PLEKHA7: variants seen among roughly 807,000 people sequenced by gnomAD.
PLEKHA7 encodes pleckstrin homology domain containing A7, also known as pleckstrin homology domain-containing family A member 7.
A neutral mutation model predicts 170.0 loss-of-function variants in PLEKHA7; 104 were observed. The ratio of observed to expected loss-of-function variants is 0.61; its 90% CI spans 0.52 to 0.72. The LOEUF (loss-of-function observed/expected upper bound fraction) is 0.72. PLEKHA7 is among the 30% of genes least tolerant of loss of function. The pLI is 0.00. For missense variants in PLEKHA7, 1,615 were observed against 1,671.7 expected, an observed-to-expected ratio of 0.97 and a Z score of 0.59; for synonymous variants, 648 against 660.8, an observed-to-expected ratio of 0.98 and a Z score of 0.30.
chr11:16,974,296 C>CT (rs56340937), intron 3 of PLEKHA7, among the ~76,000 whole-genome samples: 73 of 134,746 alleles, frequency 5.4e-4, no homozygotes, highest in Non-Finnish European at 6.5e-4. Flanking sequence ...TCAGAGAATT[C>CT]TTTTTTTTTT....
intron 3 of PLEKHA7, among the ~76,000 whole-genome samples, chr11:16,946,309 C>A (rs1861027448): frequency 6.6e-6 from 1 of 152,200 alleles, no homozygotes; most frequent in Admixed American, 6.5e-5. Flanking sequence ...CACTGGATAA[C>A]CTGCCCTAAA....
At chr11:16,927,284 T>C (rs1417147448) in intron 3 of PLEKHA7, among the ~76,000 whole-genome samples, 2 of 152,258 alleles carry the variant, frequency 1.3e-5, no homozygotes, top group Admixed American at 1.3e-4. Context: ...GCCATTCCCA[T>C]TCTTCTATGG....
chr11:16,875,708 T>A (rs888848801), intron 3 of PLEKHA7, among the ~76,000 whole-genome samples: 1 of 152,052 alleles, frequency 6.6e-6, no homozygotes, highest in Non-Finnish European at 1.5e-5. Context: ...GCCCCCAAAG[T>A]GCTAAGATTA....
At chr11:16,862,938 G>C (rs1459682744) in intron 4 of PLEKHA7, among the ~76,000 whole-genome samples, 1 of 136,898 alleles carries the variant, frequency 7.3e-6, no homozygotes, top group Non-Finnish European at 1.6e-5. Context: ...CTAGAGACAA[G>C]GTGCTGGCTA....
At chr11:16,844,318 T>C (rs1590310409) in intron 8 of PLEKHA7, among the ~76,000 whole-genome samples, 1 of 152,236 alleles carries the variant, frequency 6.6e-6, no homozygotes, top group East Asian at 1.9e-4. Flanking sequence ...ATTGCAAATA[T>C]AACCCTGGTC....
At chr11:16,847,078 GT>G (rs1221318542) in intron 8 of PLEKHA7, among the ~76,000 whole-genome samples, 91 of 129,538 alleles carry the variant, frequency 7.0e-4, no homozygotes, top group South Asian at 1.8e-3. Context: ...TGTGGCTGAA[GT>G]TTTTTTTTTT....
intron 13 of PLEKHA7, among the ~76,000 whole-genome samples, chr11:16,811,522 C>T (rs932487487): frequency 6.6e-6 from 1 of 152,120 alleles, no homozygotes; most frequent in East Asian, 1.9e-4. Flanking sequence ...TCTCCATAGG[C>T]ATGGTGGGAA....
intron 3 of PLEKHA7, among the ~76,000 whole-genome samples, chr11:16,945,609 G>A (rs1163399418): frequency 1.3e-5 from 2 of 152,210 alleles, no homozygotes; most frequent in East Asian, 1.9e-4. Flanking sequence ...TTATCAGCCA[G>A]GCAAATAGAA....
chr11:16,786,748 G>T, intron 23 of PLEKHA7: 2 of 985,400 alleles, frequency 2.0e-6, no homozygotes. Flanking sequence ...ACTCTCTACA[G>T]CTGGTTCAGG....
chr11:16,998,843 A>G (rs199561072), intron 3 of PLEKHA7, among the ~76,000 whole-genome samples: 130 of 55,096 alleles, frequency 2.4e-3, no homozygotes, highest in African/African-American at 0.01. Flanking sequence ...AAATGTGTTG[A>G]AAAAAAAAAA....
rs572577210 is a variant in PLEKHA7 at position 16,844,887 on chromosome 11, G to T, written c.697-3165C>A. ...ATTCTGGAACTTGCTCAACAATAAT[G>T]AATCATTTATTGAGTATTTACTATG... is the stretch of plus-strand genomic sequence containing the variant. On this transcript the variant is annotated intron_variant, in intron 8 of 26. Transcript: ENST00000531066. 3.9e-5 allele frequency among the ~76,000 whole-genome samples: 6 copies of T among 152,306 alleles called. No homozygotes were observed. The South Asian group carries it at 1.2e-3, about 32-fold the overall frequency.
intron 3 of PLEKHA7, among the ~76,000 whole-genome samples, chr11:16,925,005 C>G (rs1859402309): frequency 6.6e-6 from 1 of 152,244 alleles, no homozygotes; most frequent in African/African-American, 2.4e-5. Context: ...AAGCTGACCC[C>G]TTACCTCCTC....
chr11:16,974,488 C>T (rs1249596783), intron 3 of PLEKHA7, among the ~76,000 whole-genome samples: 1 of 152,058 alleles, frequency 6.6e-6, no homozygotes, highest in Non-Finnish European at 1.5e-5. Flanking sequence ...TCTTCTTGTT[C>T]AGAGAATTCT....
chr11:16,928,370 A>G (rs1434805112), intron 3 of PLEKHA7, among the ~76,000 whole-genome samples: 1 of 152,142 alleles, frequency 6.6e-6, no homozygotes, highest in Non-Finnish European at 1.5e-5. Context: ...AACAGAATTC[A>G]ATTTTCTACT....
rs553348148 is a variant in PLEKHA7, at chr11:16,788,961, G to A, written c.3357+135C>T. 13 of 1,131,756 alleles carry A rather than the reference G, an allele frequency of 1.1e-5. 1 individual carries two copies. Among genetic ancestry groups the A allele is most frequent in the Middle Eastern group, 5.8e-4 (2 of 3,434 alleles). The allele number at this position is 1,131,756 out of a possible 1,614,324, so 70.1% of individuals were successfully genotyped here. The stretch of plus-strand genomic sequence containing the variant: ...GCCTGGGTCGTGGACAAACAGCCCC[G>A]TGGGGTGTTCTCTGAACCATGTAGG... On this transcript the variant is annotated intron_variant, in intron 23 of 26. Coordinates refer to ENST00000531066, the MANE Select transcript of PLEKHA7 (RefSeq NM_001329630.2).
intron 3 of PLEKHA7, among the ~76,000 whole-genome samples, chr11:16,962,559 C>G (rs1221762493): frequency 6.6e-6 from 1 of 152,200 alleles, no homozygotes; most frequent in East Asian, 1.9e-4. Flanking sequence ...CTCCTGGGTT[C>G]AAGCGATTCT....
chr11:16,833,984 T>C (rs1422135262), intron 9 of PLEKHA7, among the ~76,000 whole-genome samples: 1 of 151,916 alleles, frequency 6.6e-6, no homozygotes, highest in African/African-American at 2.4e-5. Flanking sequence ...AGGAGTTTTA[T>C]ATATAGATAT....
intron 3 of PLEKHA7, among the ~76,000 whole-genome samples, chr11:16,938,283 A>G (rs1485061512): frequency 6.6e-6 from 1 of 152,092 alleles, no homozygotes; most frequent in Non-Finnish European, 1.5e-5. Context: ...AGGGAAAGAC[A>G]CGTGGCTTCG....
intron 19 of PLEKHA7, among the ~76,000 whole-genome samples, chr11:16,793,173 T>C (rs1380494573): frequency 6.6e-6 from 1 of 152,190 alleles, no homozygotes; most frequent in Non-Finnish European, 1.5e-5. Flanking sequence ...AGTGAGAGAA[T>C]CAGTCCCGGA....
Sources: allele counts gnomAD v4.1 joint callset (sites outside exome capture counted in the v4.1 genomes callset), GRCh38; gene constraint gnomAD v4.1.1; transcripts MANE v1.5; gene names NCBI Gene and HGNC (gene_info 2026-07-23, HGNC 2026-07-21).